The following ZCCHC7 variants were observed in gnomAD, a reference collection of about 807,000 sequenced individuals.
ZCCHC7 encodes the protein zinc finger CCHC-type containing 7, also known as zinc finger CCHC domain-containing protein 7.
Under a neutral mutation model 52.0 loss-of-function variants are expected in ZCCHC7, and 35 were observed. The ratio of observed to expected loss-of-function variants is 0.67; its 90% CI spans 0.51 to 0.89. The LOEUF (loss-of-function observed/expected upper bound fraction) is 0.89, where lower values mean the gene tolerates loss of function less well. ZCCHC7 is among the 40% of genes least tolerant of loss of function. ZCCHC7 has a pLI of 0.00. For missense variants in ZCCHC7, 574 were observed against 649.1 expected (o/e 0.88, Z 1.26); for synonymous variants, 217 against 221.5 (o/e 0.98, Z 0.18).
intron 2 of ZCCHC7, among the ~76,000 whole-genome samples, chr9:37,240,081 A>G (rs749778512): frequency 2.0e-4 from 30 of 152,042 alleles, no homozygotes; most frequent in Admixed American, 3.9e-4. Context: ...TGGGCTTTAT[A>G]CATCATTAGA....
At chr9:37,341,440 A>G (rs1015724283) in intron 6 of ZCCHC7, among the ~76,000 whole-genome samples, 1 of 152,166 alleles carries the variant, frequency 6.6e-6, no homozygotes, top group African/African-American at 2.4e-5. Flanking sequence ...AACTACTACT[A>G]TATGCCTGGC....
intron 2 of ZCCHC7, among the ~76,000 whole-genome samples, chr9:37,250,261 T>A (rs1826264212): frequency 6.6e-6 from 1 of 151,916 alleles, no homozygotes; most frequent in Non-Finnish European, 1.5e-5. Flanking sequence ...TCACAGAAAG[T>A]CTCATGTGTA....
chr9:37,121,179 C>A (rs1842301126), intron 1 of ZCCHC7, among the ~76,000 whole-genome samples: 1 of 152,212 alleles, frequency 6.6e-6, no homozygotes, highest in African/African-American at 2.4e-5. Context: ...CGGACAGTTG[C>A]CTTCAACTTT....
In ZCCHC7 at chr9:37,316,479, C is replaced by T. The variant is rs1423046165; in HGVS notation, c.951+10765C>T. ...ACCTGGGACTACAGGCACGCACTAC[C>T]CTGCCCAGCTGCTTTTTCTATTTTT... On this transcript the variant is annotated intron_variant, in intron 5 of 8. Transcript: ENST00000336755. 4.9e-5 allele frequency among the ~76,000 whole-genome samples: 7 copies of T among 141,520 alleles called. No individual in the cohort carries two copies. In the South Asian group the frequency reaches 6.9e-4, roughly 14 times the overall value. The allele number at this position is 141,520 out of a possible 152,430, so 92.8% of individuals were successfully genotyped here.
At chr9:37,288,138 A>G (rs897151374) in intron 2 of ZCCHC7, among the ~76,000 whole-genome samples, 19 of 151,830 alleles carry the variant, frequency 1.3e-4, no homozygotes, top group African/African-American at 3.9e-4. Flanking sequence ...AAATTAGCCA[A>G]GCATGGTGGT....
chr9:37,199,394 C>T (rs1191165544), intron 2 of ZCCHC7, among the ~76,000 whole-genome samples: 2 of 145,340 alleles, frequency 1.4e-5, no homozygotes, highest in African/African-American at 5.1e-5. Context: ...TGCAATGGTG[C>T]GATCTCAGCT....
At chr9:37,267,566 CTTT>C (rs983055913) in intron 2 of ZCCHC7, among the ~76,000 whole-genome samples, 19 of 115,270 alleles carry the variant, frequency 1.6e-4, no homozygotes, top group Admixed American at 3.6e-4. Context: ...CTAATTTTTT[CTTT>C]TTTTTTTTTT....
intron 2 of ZCCHC7, among the ~76,000 whole-genome samples, chr9:37,282,436 C>T (rs1828003822): frequency 6.6e-6 from 1 of 151,852 alleles, no homozygotes; most frequent in African/African-American, 2.4e-5. Flanking sequence ...AACCCCGTCT[C>T]TACTAAAAAT....
intron 2 of ZCCHC7, among the ~76,000 whole-genome samples, chr9:37,137,896 C>T (rs538271041): frequency 5.9e-5 from 9 of 152,150 alleles, no homozygotes; most frequent in African/African-American, 9.7e-5. Flanking sequence ...TTTCTTGAGA[C>T]ATTTTATACC....
At chr9:37,342,337 C>A (rs1820693852) in intron 6 of ZCCHC7, among the ~76,000 whole-genome samples, 1 of 152,142 alleles carries the variant, frequency 6.6e-6, no homozygotes, top group Non-Finnish European at 1.5e-5. Context: ...GGGGGAAGAA[C>A]AGGATTTGAT....
chr9:37,299,962 C>A (rs933998954), intron 2 of ZCCHC7, among the ~76,000 whole-genome samples: 1 of 152,100 alleles, frequency 6.6e-6, no homozygotes, highest in African/African-American at 2.4e-5. Context: ...GCTGTGAAAC[C>A]CACGTATATA....
intron 2 of ZCCHC7, among the ~76,000 whole-genome samples, chr9:37,155,979 C>CATCT (rs1820792643): frequency 6.6e-6 from 1 of 152,214 alleles, no homozygotes; most frequent in Admixed American, 6.5e-5. Context: ...GTCTACCATC[C>CATCT]ATCTGTAGCA....
chr9:37,178,138 A>G (rs957283200), intron 2 of ZCCHC7, among the ~76,000 whole-genome samples: 1 of 152,176 alleles, frequency 6.6e-6, no homozygotes, highest in Admixed American at 6.5e-5. Flanking sequence ...AAACCTAGCC[A>G]GTAATGGTGC....
At chr9:37,341,314 A>G (rs980561010) in intron 6 of ZCCHC7, among the ~76,000 whole-genome samples, 1 of 152,228 alleles carries the variant, frequency 6.6e-6, no homozygotes, top group African/African-American at 2.4e-5. Flanking sequence ...AAAAATTAAT[A>G]GTTTCCCAAA....
chr9:37,230,916 C>T (rs1237478261), intron 2 of ZCCHC7, among the ~76,000 whole-genome samples: 2 of 151,880 alleles, frequency 1.3e-5, no homozygotes, highest in African/African-American at 4.8e-5. Flanking sequence ...TACAAACGTC[C>T]TTTTGGGTTT....
chr9:37,170,506 C>G (rs1168552367), intron 2 of ZCCHC7, among the ~76,000 whole-genome samples: 1 of 152,146 alleles, frequency 6.6e-6, no homozygotes, highest in Non-Finnish European at 1.5e-5. Context: ...CCAAAATTGT[C>G]TGTTTGTTTG....
At chr9:37,296,225 A>G (rs1472580327) in intron 2 of ZCCHC7, among the ~76,000 whole-genome samples, 1 of 152,216 alleles carries the variant, frequency 6.6e-6, no homozygotes, top group African/African-American at 2.4e-5. Context: ...AGGGAATGCC[A>G]TGAACAAAAG....
At chr9:37,218,234 A>G (rs7041839) in intron 2 of ZCCHC7, among the ~76,000 whole-genome samples, 54,498 of 152,018 alleles carry the variant, frequency 0.36, 10,221 homozygotes, top group Non-Finnish European at 0.43. Context: ...AAGGGCAAAA[A>G]AAAAATCTTT....
intron 2 of ZCCHC7, among the ~76,000 whole-genome samples, chr9:37,159,090 G>A (rs1342507448): frequency 6.6e-6 from 1 of 152,134 alleles, no homozygotes; most frequent in Non-Finnish European, 1.5e-5. Flanking sequence ...TTTGCATGCT[G>A]TTCACATTTG....
Sources: gnomAD v4.1 joint callset for allele counts (sites outside exome capture counted in the v4.1 genomes callset) on GRCh38, gnomAD v4.1.1 for gene constraint, MANE v1.5 for transcripts, NCBI Gene and HGNC (gene_info 2026-07-23, HGNC 2026-07-21) for gene names.